Variants in RUNX1 observed in about 807,000 individuals in gnomAD.
RUNX1 encodes the protein RUNX family transcription factor 1.
In RUNX1, 19 loss-of-function variants were observed where a neutral mutation model predicts 42.8. That is an observed-to-expected ratio of 0.44 (90% CI 0.31 to 0.65). The LOEUF (loss-of-function observed/expected upper bound fraction) is 0.65. RUNX1 is among the 30% of genes least tolerant of loss of function. The pLI is 0.07. For missense variants in RUNX1, 528 were observed against 672.0 expected (o/e 0.79, Z 2.37); for synonymous variants, 271 against 289.4 (o/e 0.94, Z 0.64).
intron 5 of RUNX1, among the ~76,000 whole-genome samples, chr21:34,873,118 TC>T (rs1233161817): frequency 6.6e-6 from 1 of 152,128 alleles, no homozygotes; most frequent in African/African-American, 2.4e-5. Context: ...ATACTGACTA[TC>T]CTCTATACAA....
chr21:35,042,840 C>A (rs1568810204), intron 2 of RUNX1, among the ~76,000 whole-genome samples: 1 of 152,216 alleles, frequency 6.6e-6, no homozygotes, highest in Non-Finnish European at 1.5e-5. Flanking sequence ...CATGGGTAAA[C>A]CTGAGCAAGG....
intron 2 of RUNX1, among the ~76,000 whole-genome samples, chr21:34,906,765 G>A (rs1317079518): frequency 1.3e-5 from 2 of 152,140 alleles, no homozygotes; most frequent in African/African-American, 2.4e-5. Context: ...CAGTTAAAGG[G>A]GATTTGCAAA....
chr21:34,893,321 A>G (rs1018304659), intron 2 of RUNX1, among the ~76,000 whole-genome samples: 12 of 152,156 alleles, frequency 7.9e-5, no homozygotes, highest in Admixed American at 1.3e-4. Context: ...GAAAATTAAA[A>G]CCAAACCCTA....
At chr21:34,943,068 TG>T (rs2058539361) in intron 2 of RUNX1, among the ~76,000 whole-genome samples, 1 of 152,156 alleles carries the variant, frequency 6.6e-6, no homozygotes, top group Non-Finnish European at 1.5e-5. Flanking sequence ...TCTGAGCAGT[TG>T]GGGGATATGG....
chr21:34,888,689 TG>T (rs2058034731), intron 3 of RUNX1: 2 of 1,037,890 alleles, frequency 1.9e-6, no homozygotes, highest in Non-Finnish European at 2.3e-6. Flanking sequence ...GCTGGCTCTA[TG>T]AATGAGAGTG....
chr21:34,928,687 A>C (rs1317108979), intron 2 of RUNX1, among the ~76,000 whole-genome samples: 2 of 152,026 alleles, frequency 1.3e-5, no homozygotes, highest in Non-Finnish European at 2.9e-5. Context: ...CTTAAAAAAA[A>C]AAAAAAGGCC....
At chr21:34,887,257 G>GGGGT in intron 3 of RUNX1, 161 bp from the exon 4 acceptor site, 7 of 1,309,542 alleles carry the variant, frequency 5.3e-6, no homozygotes, top group South Asian at 3.1e-5. Flanking sequence ...GGGGGCGGGG[G>GGGGT]TGGTTAGGGG....
intron 2 of RUNX1, among the ~76,000 whole-genome samples, chr21:34,948,100 T>TTGG (rs1491173580): frequency 4.0e-5 from 6 of 148,352 alleles, no homozygotes; most frequent in African/African-American, 1.5e-4. Context: ...TTTTTTTTTT[T>TTGG]GGGGGGGGGT....
intron 5 of RUNX1, among the ~76,000 whole-genome samples, chr21:34,863,388 T>C (rs1427774244): frequency 1.3e-5 from 2 of 152,182 alleles, no homozygotes; most frequent in Non-Finnish European, 2.9e-5. Context: ...CTCAAAAGCA[T>C]TTTCTTACTG....
At chr21:34,981,329 G>A (rs1486625431) in intron 2 of RUNX1, among the ~76,000 whole-genome samples, 1 of 152,188 alleles carries the variant, frequency 6.6e-6, no homozygotes, top group Non-Finnish European at 1.5e-5. Flanking sequence ...TATTGTTTAG[G>A]ATAAGTGAGG....
At chr21:35,026,883 G>A (rs1167105380) in intron 2 of RUNX1, among the ~76,000 whole-genome samples, 3 of 152,260 alleles carry the variant, frequency 2.0e-5, no homozygotes, top group African/African-American at 4.8e-5. Context: ...AAAGCTGCCT[G>A]CCCGCGCGTT....
chr21:35,041,520 A>G (rs2059359026), intron 2 of RUNX1, among the ~76,000 whole-genome samples: 1 of 152,200 alleles, frequency 6.6e-6, no homozygotes, highest in Non-Finnish European at 1.5e-5. Context: ...TGCATACAAA[A>G]TCAACAATTC....
intron 6 of RUNX1, among the ~76,000 whole-genome samples, chr21:34,845,588 G>A (rs1241200169): frequency 6.6e-6 from 1 of 152,118 alleles, no homozygotes; most frequent in Non-Finnish European, 1.5e-5. Flanking sequence ...CCTCTTCTGT[G>A]TGAACACTCT....
chr21:34,951,819 C>G (rs192858463), intron 2 of RUNX1, among the ~76,000 whole-genome samples: 1 of 152,086 alleles, frequency 6.6e-6, no homozygotes, highest in South Asian at 2.1e-4. Context: ...GACAGTGTGG[C>G]GATTTCTCAA....
chr21:34,834,829 C>A (rs1161689537), intron 6 of RUNX1, among the ~76,000 whole-genome samples: 2 of 152,154 alleles, frequency 1.3e-5, no homozygotes, highest in East Asian at 1.9e-4. Flanking sequence ...AGTGCTCCCC[C>A]AGTCTGGGCC....
rs1033790899 is a variant in RUNX1 at position 34,834,099 on chromosome 21, T to C, written c.805+311A>G. On this transcript the variant is annotated intron_variant, in intron 7 of 8. Transcript: ENST00000675419. Reference sequence around the variant, plus strand: ...AAATAGCATAGCCAAAGCTAACTCTTAAAAAATTCAAGAGAGCTATCTATC... The same window carrying C: ...AAATAGCATAGCCAAAGCTAACTCTCAAAAAATTCAAGAGAGCTATCTATC... The C allele has an allele frequency of 1.2e-5, 7 of 579,154 alleles. No individual in the cohort carries two copies. In the African/African-American group the frequency reaches 1.3e-4, roughly 11 times the overall value. The allele number at this position is 579,154 out of a possible 1,614,324, so 35.9% of individuals were successfully genotyped here.
At chr21:34,915,885 C>A (rs959049857) in intron 2 of RUNX1, among the ~76,000 whole-genome samples, 1 of 152,158 alleles carries the variant, frequency 6.6e-6, no homozygotes, top group Non-Finnish European at 1.5e-5. Flanking sequence ...AGCCTCTTCA[C>A]ATTCCTCGTT....
At chr21:34,950,923 A>G (rs866774168) in intron 2 of RUNX1, among the ~76,000 whole-genome samples, 4 of 152,222 alleles carry the variant, frequency 2.6e-5, no homozygotes, top group African/African-American at 9.7e-5. Context: ...AGAAAATATA[A>G]TTAAAGTTCT....
chr21:34,808,207 T>A (rs1444726068), intron 7 of RUNX1, among the ~76,000 whole-genome samples: 3 of 152,204 alleles, frequency 2.0e-5, no homozygotes, highest in Non-Finnish European at 4.4e-5. Context: ...TCTTGGTTAG[T>A]CATGTGTAGC....
Sources: allele counts gnomAD v4.1 joint callset (sites outside exome capture counted in the v4.1 genomes callset), GRCh38; gene constraint gnomAD v4.1.1; transcripts MANE v1.5; gene names NCBI Gene and HGNC (gene_info 2026-07-23, HGNC 2026-07-21).